The following PSMD9 variants were observed in gnomAD, a reference collection of about 807,000 sequenced individuals.
PSMD9 encodes 26S proteasome non-ATPase regulatory subunit 9.
A neutral mutation model predicts 25.9 loss-of-function variants in PSMD9; 26 were observed. The observed-to-expected ratio is 1.00, with a 90% CI of 0.73 to 1.39. PSMD9 has a LOEUF of 1.39. Ranked by LOEUF, PSMD9 falls within the 40% of genes most tolerant of loss-of-function variation. The pLI, the probability that PSMD9 is intolerant of heterozygous loss-of-function variation, is 0.00. For synonymous variants in PSMD9, 110 were observed against 114.5 expected (o/e 0.96, Z 0.25); for missense variants, 303 against 299.3 (o/e 1.01, Z -0.09).
At chr12:121,916,065 A>G in intron 5 of PSMD9, 121 bp downstream of exon 5, 2 of 1,226,706 alleles carry the variant, frequency 1.6e-6, no homozygotes, top group South Asian at 1.3e-5. Flanking sequence ...GTTTGCATGG[A>G]AACTGCAGAT....
At chr12:121,915,699 C>A in intron 4 of PSMD9, 157 bp from the exon 5 acceptor site, 1 of 643,922 alleles carries the variant, frequency 1.6e-6, no homozygotes, top group Non-Finnish European at 2.7e-6. Context: ...CCTGAGAGTG[C>A]AGTGCCACGT....
In PSMD9 at chr12:121,901,372, A is replaced by G. The variant is rs145245785; in HGVS notation, c.453+1527A>G. On this transcript the variant is annotated intron_variant, in intron 3 of 5. Coordinates refer to ENST00000541212, the MANE Select transcript of PSMD9 (RefSeq NM_002813.7). ...ATCAGTGCTTCATTTGTTTACAGAC[A>G]GGGTCTCACTCTCTCACCCAGACTT... Among the ~76,000 whole-genome samples the G allele has an allele frequency of 1.3e-3, 191 of 152,248 alleles. 1 individual carries two copies. Among genetic ancestry groups the G allele is most frequent in the Non-Finnish European group, 2.2e-3 (150 of 68,020 alleles).
chr12:121,914,002 C>A (rs759931088), intron 4 of PSMD9, among the ~76,000 whole-genome samples: 77 of 152,074 alleles, frequency 5.1e-4, no homozygotes, highest in Non-Finnish European at 1.0e-3. Context: ...CTTGAGCAAT[C>A]CTCCTGCCTC....
At chr12:121,897,657 C>T (rs1029472930) in intron 2 of PSMD9, 14 of 149,438 alleles carry the variant, frequency 9.4e-5, no homozygotes, top group Non-Finnish European at 1.3e-4. Context: ...GCCTCGGCCT[C>T]GACAGGCGTG....
At chr12:121,915,611 A>G (rs1377629530) in intron 4 of PSMD9, 10 of 518,898 alleles carry the variant, frequency 1.9e-5, no homozygotes. Context: ...TGTACCTTGG[A>G]TGTACCTTTT....
chr12:121,915,889 G>GA lies in PSMD9; in HGVS notation c.594dup (p.His199ThrfsTer4), dbSNP rs750466620. On this transcript the variant is annotated frameshift_variant, in exon 5 of 6. Coordinates refer to ENST00000541212, the MANE Select transcript of PSMD9 (RefSeq NM_002813.7). LOFTEE classifies it high-confidence loss of function. ...GAATGTGACAGTGATCCGCAGGGGG[G>GA]AAAAACACCAGCTTAGACTTGTTCC... 1.9e-6 allele frequency: 3 copies of GA among 1,613,670 alleles called. No homozygotes were observed. Among genetic ancestry groups the GA allele is most frequent in the South Asian group, 2.2e-5 (2 of 90,960 alleles).
chr12:121,910,446 G>A (rs1879686543), intron 4 of PSMD9, among the ~76,000 whole-genome samples: 1 of 151,084 alleles, frequency 6.6e-6, no homozygotes, highest in Admixed American at 6.6e-5. Flanking sequence ...ATTTTTTTGT[G>A]GTAAATATAC....
At position 121,901,666 on chromosome 12, in the gene PSMD9, C is replaced by CTTTTT. The variant is rs563939839; in HGVS notation, c.454-1317_454-1313dup. Reference sequence around the variant, plus strand: ...TGTCATGCCTGGCCCTTCATTCCTTCTTTTTTTTTTTTTTTTTTTTTTTTT... The same window carrying CTTTTT: ...TGTCATGCCTGGCCCTTCATTCCTTCTTTTTTTTTTTTTTTTTTTTTTTTTTTTTT... On this transcript the variant is annotated intron_variant, in intron 3 of 5. Transcript: ENST00000541212. Among the ~76,000 whole-genome samples the CTTTTT allele has an allele frequency of 1.9e-4, 18 of 93,610 alleles. 2 individuals are homozygous for CTTTTT. Among genetic ancestry groups the CTTTTT allele is most frequent in the African/African-American group, 6.5e-4 (11 of 16,986 alleles). 61.4% of individuals were successfully genotyped at this position (93,610 alleles called of 152,430 possible).
chr12:121,896,005 A>C (rs1276573373), intron 2 of PSMD9, among the ~76,000 whole-genome samples: 1 of 151,280 alleles, frequency 6.6e-6, no homozygotes, highest in African/African-American at 2.4e-5. Context: ...ATCACATCTT[A>C]TTTATTTATT....
intron 4 of PSMD9, 152 bp from the exon 5 acceptor site, chr12:121,915,704 C>G: frequency 1.5e-6 from 1 of 674,632 alleles, no homozygotes; most frequent in Non-Finnish European, 2.5e-6. Context: ...GAGTGCAGTG[C>G]CACGTTCCCC....
intron 4 of PSMD9, among the ~76,000 whole-genome samples, chr12:121,913,891 G>A (rs1879814746): frequency 6.6e-6 from 1 of 150,696 alleles, no homozygotes; most frequent in African/African-American, 2.4e-5. Flanking sequence ...ATGGCATCTT[G>A]TTTTATTTAT....
rs1879908952 is a variant in PSMD9, at chr12:121,916,531, G to A, written c.*220G>A. 12 of 589,210 alleles carry A rather than the reference G, an allele frequency of 2.0e-5. No homozygotes were observed. The highest frequency in any genetic ancestry group is 3.3e-5 in the Non-Finnish European group (11 of 334,344). The allele number at this position is 589,210 out of a possible 1,614,324, so 36.5% of individuals were successfully genotyped here. On this transcript the variant is annotated 3_prime_UTR_variant, in exon 6 of 6. Transcript: ENST00000541212. ...TGGCCTCTTTCACAAATTAGGCCAC[G>A]GCCCTAAATAGGAATTCCCTGGATT...
In PSMD9 at chr12:121,891,069, G is replaced by T. The variant is rs1490579508; in HGVS notation, c.138+2075G>T. On this transcript the variant is annotated intron_variant, in intron 1 of 5. Transcript: ENST00000541212. ...TCTCGATCTCCTGACCTCGTGATCCGCCCGCCTCGGCCTCCCAAAGTGCTG... is the reference window on the plus strand; with the variant it reads ...TCTCGATCTCCTGACCTCGTGATCCTCCCGCCTCGGCCTCCCAAAGTGCTG... Among the ~76,000 whole-genome samples the T allele has an allele frequency of 1.7e-3, 217 of 129,954 alleles. 1 individual carries two copies. Among genetic ancestry groups the T allele is most frequent in the African/African-American group, 5.9e-3 (210 of 35,846 alleles). 85.3% of individuals were successfully genotyped at this position (129,954 alleles called of 152,430 possible). A position where few individuals can be genotyped will look rare whatever the true frequency, so the allele number is the denominator to read the frequency against.
At chr12:121,895,733 G>C in intron 2 of PSMD9, among the ~76,000 whole-genome samples, 1 of 152,088 alleles carries the variant, frequency 6.6e-6, no homozygotes, top group East Asian at 1.9e-4. Context: ...AAAGACCTCT[G>C]TGATGACACC....
intron 1 of PSMD9, chr12:121,893,966 C>T (rs1879160365): frequency 6.6e-6 from 1 of 152,110 alleles, no homozygotes; most frequent in South Asian, 2.1e-4. Context: ...GCTCCTATTC[C>T]CATTTTATAA....
rs536617050 is a variant in PSMD9 at position 121,904,237 on chromosome 12, G to A, written c.555+1130G>A. Among the ~76,000 whole-genome samples, 3 of 150,428 alleles carry A rather than the reference G, an allele frequency of 2.0e-5. No homozygotes were observed. In the East Asian group the frequency reaches 5.8e-4, roughly 29 times the overall value. Reference sequence around the variant, plus strand: ...ATCAGTTTTTTTGCTTATGGCTCTTGCATTTTGTGTCCATTTAAAGAAATT... The same window carrying A: ...ATCAGTTTTTTTGCTTATGGCTCTTACATTTTGTGTCCATTTAAAGAAATT... On this transcript the variant is annotated intron_variant, in intron 4 of 5. Coordinates refer to ENST00000541212, the MANE Select transcript of PSMD9 (RefSeq NM_002813.7).
chr12:121,899,857 G>A lies in PSMD9; in HGVS notation c.453+12G>A, dbSNP rs1879339567. On this transcript the variant is annotated intron_variant, in intron 3 of 5. Transcript: ENST00000541212. ...CAGCCAGCATCGCGGTAATCCAGGG[G>A]TTGGCCACTCAAGTCCATGCCCAGG... is the stretch of plus-strand genomic sequence containing the variant. 6.2e-7 allele frequency: 1 copy of A among 1,613,828 alleles called. No homozygotes were observed. Among genetic ancestry groups the A allele is most frequent in the South Asian group, 1.1e-5 (1 of 91,066 alleles).
At chr12:121,894,035 A>T (rs775735746) in intron 1 of PSMD9, 1 of 152,114 alleles carries the variant, frequency 6.6e-6, no homozygotes, top group Non-Finnish European at 1.5e-5. Flanking sequence ...CAGCTTGTAC[A>T]TGGCAGAGTT....
intron 4 of PSMD9, among the ~76,000 whole-genome samples, chr12:121,905,684 C>T (rs530270587): frequency 2.0e-5 from 3 of 151,644 alleles, no homozygotes; most frequent in Non-Finnish European, 2.9e-5. Context: ...CCCACCACCA[C>T]GCCCAGCTAA....
Sources: allele counts gnomAD v4.1 joint callset (sites outside exome capture counted in the v4.1 genomes callset), GRCh38; gene constraint gnomAD v4.1.1; transcripts MANE v1.5; gene names NCBI Gene and HGNC (gene_info 2026-07-23, HGNC 2026-07-21).